XG: variants seen among roughly 807,000 people sequenced by gnomAD.
XG encodes the protein glycoprotein Xg.
In XG, 24 loss-of-function variants were observed where a neutral mutation model predicts 25.7. That is an observed-to-expected ratio of 0.93 (90% confidence interval 0.68 to 1.31). The LOEUF (loss-of-function observed/expected upper bound fraction) is 1.31, where lower values mean the gene tolerates loss of function less well. Among genes scored for constraint, XG ranks in the 40% most tolerant of loss-of-function variants. XG has a pLI of 0.00. For synonymous variants in XG, 77 were observed against 69.2 expected (o/e 1.11, Z -0.56); for missense variants, 181 against 187.6 (o/e 0.96, Z 0.21).
Position 2,814,377 on chromosome X carries a change from C to T in XG, c.585C>T (p.Val195=). ...TCTTCCTTTCAGAACCAGAAAATGTCTGAAGATGTTAAGATCCCCTGATTA... is the reference window on the plus strand; with the variant it reads ...TCTTCCTTTCAGAACCAGAAAATGTTTGAAGATGTTAAGATCCCCTGATTA... ...NCFRTHEPEN[V] Residue 195 remains valine (V), a synonymous_variant, in exon 11 of 11, where the codon GTC becomes GTT. Coordinates refer to ENST00000644266, the MANE Select transcript of XG (RefSeq NM_001141919.2). 8.3e-7 allele frequency: 1 copy of T among 1,205,035 alleles called. No individual in the cohort carries two copies. Among genetic ancestry groups the T allele is most frequent in the Admixed American group, 2.2e-5 (1 of 44,794 alleles).
chrX:2,765,052 A>G (rs1351565714), intron 1 of XG, among the ~76,000 whole-genome samples: 2 of 130,200 alleles, frequency 1.5e-5, no homozygotes, highest in Middle Eastern at 5.8e-3. Context: ...AAAAAAAAAA[A>G]AAAAAAAAAA....
chrX:2,779,558 C>A (rs2534633), intron 3 of XG, among the ~76,000 whole-genome samples: 35,249 of 151,840 alleles, frequency 0.23, 172 homozygotes, highest in South Asian at 0.37. Flanking sequence ...ACGCCTTCTT[C>A]CCCGCAGACA....
intron 1 of XG, chrX:2,752,833 A>G (rs903764057): frequency 1.3e-5 from 9 of 696,572 alleles, no homozygotes; most frequent in Non-Finnish European, 1.6e-5. Flanking sequence ...AAACACTGTC[A>G]TTCATTCTTG....
intron 2 of XG, 22 bp downstream of exon 2, chrX:2,770,613 G>A (rs751138375): frequency 6.2e-7 from 1 of 1,613,760 alleles, no homozygotes; most frequent in Admixed American, 1.7e-5. Context: ...TATTTCAAGG[G>A]GAGCCTTCCC....
intron 3 of XG, among the ~76,000 whole-genome samples, chrX:2,778,713 G>A (rs1179675312): frequency 3.3e-5 from 5 of 151,986 alleles, no homozygotes; most frequent in Non-Finnish European, 7.4e-5. Context: ...CACATAGGCA[G>A]GACTGAGACA....
chrX:2,780,187 A>G (rs1269139530), intron 3 of XG, among the ~76,000 whole-genome samples: 3 of 151,674 alleles, frequency 2.0e-5, no homozygotes, highest in African/African-American at 4.9e-5. Flanking sequence ...ATGGTGAAAA[A>G]AAGAAAAGAA....
chrX:2,795,236 TTATG>T (rs2086873461), intron 6 of XG, among the ~76,000 whole-genome samples: 2 of 48,220 alleles, frequency 4.1e-5, no homozygotes, highest in South Asian at 1.2e-3. Flanking sequence ...TTATATATAT[TTATG>T]TATATGTATA....
chrX:2,753,003 A>G lies in XG; in HGVS notation c.61+668A>G. 7.1e-6 allele frequency: 7 copies of G among 984,584 alleles called. No homozygotes were observed. In the South Asian group the frequency reaches 3.3e-4, roughly 46 times the overall value. 61.0% of individuals were successfully genotyped at this position (984,584 alleles called of 1,614,324 possible). On this transcript the variant is annotated intron_variant, in intron 1 of 10. Coordinates refer to ENST00000644266, the MANE Select transcript of XG (RefSeq NM_001141919.2). The stretch of plus-strand genomic sequence containing the variant: ...TACAGGATTTGAACAACGGTTGAGT[A>G]AGTTTCTTTGGTCATTTTCATGTGG...
intron 3 of XG, among the ~76,000 whole-genome samples, chrX:2,777,691 A>C (rs2051030764): frequency 6.6e-6 from 1 of 152,240 alleles, no homozygotes; most frequent in African/African-American, 2.4e-5. Flanking sequence ...AATAGTAGGA[A>C]TAGTGAATCC....
At chrX:2,793,562 G>A (rs2086856216) in intron 5 of XG, among the ~76,000 whole-genome samples, 1 of 112,201 alleles carries the variant, frequency 8.9e-6, no homozygotes, top group Admixed American at 9.5e-5. Context: ...CAGGGCTCTG[G>A]GATCTTCTCT....
chrX:2,812,664 T>G (rs981977350), intron 10 of XG, among the ~76,000 whole-genome samples: 7 of 111,985 alleles, frequency 6.3e-5, no homozygotes, highest in African/African-American at 1.9e-4. Context: ...AGCCTCCGTC[T>G]ACATTACGCC....
At chrX:2,770,104 G>C (rs1310677021) in intron 1 of XG, among the ~76,000 whole-genome samples, 1 of 152,082 alleles carries the variant, frequency 6.6e-6, no homozygotes, top group Non-Finnish European at 1.5e-5. Flanking sequence ...TATGTGCTTG[G>C]AGAGAGGCTT....
intron 5 of XG, 148 bp from the exon 6 acceptor site, chrX:2,794,387 T>G: frequency 3.3e-6 from 2 of 600,905 alleles, no homozygotes; most frequent in Non-Finnish European, 5.0e-6. Context: ...GTAATTTAAT[T>G]CCTGGTGCCT....
intron 3 of XG, among the ~76,000 whole-genome samples, chrX:2,776,061 G>A (rs1342048022): frequency 7.2e-5 from 11 of 152,128 alleles, no homozygotes; most frequent in Non-Finnish European, 1.2e-4. Context: ...AGGCCAAGGC[G>A]GGTGGATCAC....
chrX:2,763,627 A>C (rs1367087750), intron 1 of XG, among the ~76,000 whole-genome samples: 2 of 152,148 alleles, frequency 1.3e-5, no homozygotes, highest in African/African-American at 4.8e-5. Context: ...TTGAATCCAC[A>C]TTAAGCCCCT....
chrX:2,794,867 T>TG (rs1337129302), intron 6 of XG, among the ~76,000 whole-genome samples: 6 of 112,095 alleles, frequency 5.4e-5, no homozygotes, highest in African/African-American at 1.9e-4. Context: ...CTGAAACACT[T>TG]GCGGTCATTT....
At chrX:2,758,538 T>C (rs2124403928) in intron 1 of XG, among the ~76,000 whole-genome samples, 1 of 152,326 alleles carries the variant, frequency 6.6e-6, no homozygotes, top group Non-Finnish European at 1.5e-5. Context: ...CGGTGATGTG[T>C]CATTCACTCT....
intron 7 of XG, among the ~76,000 whole-genome samples, chrX:2,799,675 C>T (rs112740452): frequency 2.9e-4 from 32 of 111,077 alleles, no homozygotes; most frequent in African/African-American, 9.8e-4. Flanking sequence ...TCACAGCTCA[C>T]TAGGATTTTC....
intron 1 of XG, among the ~76,000 whole-genome samples, chrX:2,758,154 C>T: frequency 6.6e-6 from 1 of 152,138 alleles, no homozygotes; most frequent in Non-Finnish European, 1.5e-5. Context: ...TCCTTCCCTG[C>T]AAAGGATCTA....
Sources: gnomAD v4.1 joint callset for allele counts (sites outside exome capture counted in the v4.1 genomes callset) on GRCh38, gnomAD v4.1.1 for gene constraint, MANE v1.5 for transcripts, NCBI Gene and HGNC (gene_info 2026-07-23, HGNC 2026-07-21) for gene names.